The following OBSL1 variants were observed in gnomAD, a reference collection of about 807,000 sequenced individuals.
The protein encoded by OBSL1 is obscurin like cytoskeletal adaptor 1, also known as obscurin-like protein 1.
In OBSL1, 160 loss-of-function variants were observed where a neutral mutation model predicts 172.0. That is an observed-to-expected ratio of 0.93 (90% confidence interval 0.82 to 1.06). The LOEUF (loss-of-function observed/expected upper bound fraction) is 1.06, where lower values mean the gene tolerates loss of function less well. Among genes scored for constraint, OBSL1 ranks in the 50% least tolerant of loss-of-function variants. The pLI, the probability that OBSL1 is intolerant of heterozygous loss-of-function variation, is 0.00. For synonymous variants in OBSL1, 1,200 were observed against 1,196.3 expected, an observed-to-expected ratio of 1.00 and a Z score of -0.06; for missense variants, 2,681 against 2,715.4, an observed-to-expected ratio of 0.99 and a Z score of 0.28.
At position 219,557,865 on chromosome 2, in the gene OBSL1, C is replaced by T; in HGVS notation, c.3748G>A (p.Ala1250Thr). 6.2e-7 allele frequency: 1 copy of T among 1,601,134 alleles called. No individual in the cohort carries two copies. Among genetic ancestry groups the T allele is most frequent in the Non-Finnish European group, 8.5e-7 (1 of 1,179,516 alleles). The change falls in exon 11 of 21, where the codon GCC (alanine) becomes ACC (threonine). Residue 1250 changes from alanine to threonine, a missense_variant. Around this residue, in one of 5 missense-constraint regions of OBSL1, gnomAD observed 1,765 missense variants for 1,748.3 expected, o/e 1.01. Coordinates refer to ENST00000404537, the MANE Select transcript of OBSL1 (RefSeq NM_015311.3). ...AAGCTGAGGCTTGGGGCTCCGGGGGCTGCTCCAGACTGGCAGGTGTAGAGC... is the reference window on the plus strand; with the variant it reads ...AAGCTGAGGCTTGGGGCTCCGGGGGTTGCTCCAGACTGGCAGGTGTAGAGC... ...AGLYTCQSGAAPGAPSLSFTV... is the reference protein window; with the variant it reads ...AGLYTCQSGATPGAPSLSFTV...
Position 219,558,011 on chromosome 2 carries a change from C to G in OBSL1, c.3602G>C (p.Gly1201Ala), listed in dbSNP as rs1389771773. ...VVLSCELSRAGAPVVWSHNGR... is the reference protein window; with the variant it reads ...VVLSCELSRAAAPVVWSHNGR... ...ATTGTGGCTCCAGACCACGGGGGCGCCAGCCCGGGACAGTTCACAGCTCAG... is the reference window on the plus strand; with the variant it reads ...ATTGTGGCTCCAGACCACGGGGGCGGCAGCCCGGGACAGTTCACAGCTCAG... The change falls in exon 11 of 21, where the codon GGC becomes GCC. Residue 1201 changes from glycine to alanine, a missense_variant. This residue lies in a region of OBSL1 where 1,765 missense variants were observed against 1,748.3 expected (regional missense o/e 1.01). Transcript: ENST00000404537. 5.0e-6 allele frequency: 8 copies of G among 1,612,796 alleles called. No homozygotes were observed. Among genetic ancestry groups the G allele is most frequent in the Non-Finnish European group, 6.8e-6 (8 of 1,179,646 alleles).
chr2:219,549,711 C>T, downstream of OBSL1: 1 of 1,613,446 alleles, frequency 6.2e-7, no homozygotes, highest in Non-Finnish European at 8.5e-7. Flanking sequence ...GTTTGCTCCC[C>T]CACAGAGCTA....
chr2:219,554,396 G>C (rs1273522338), intron 15 of OBSL1, 78 bp downstream of exon 15: 2 of 1,526,920 alleles, frequency 1.3e-6, no homozygotes, highest in South Asian at 2.4e-5. Context: ...GGTCACACGA[G>C]TTGGGGGTCA....
intron 1 of OBSL1, 35 bp downstream of exon 1, chr2:219,570,186 C>T (rs1249594747): frequency 6.7e-7 from 1 of 1,488,690 alleles, no homozygotes; most frequent in African/African-American, 1.4e-5. Flanking sequence ...GGAGGACACT[C>T]GAGGCCCCTC....
rs918957233 is a variant in OBSL1 at position 219,570,229 on chromosome 2, T to G, written c.1004A>C (p.His335Pro). Residue 335 changes from histidine to proline, a missense_variant, in exon 1 of 21, where the codon CAC (histidine) becomes CCC (proline). His to Pro is a moderately conservative substitution (Grantham distance 77, BLOSUM62 -2). This residue lies in a region of OBSL1 where 706 missense variants were observed against 695.8 expected (regional missense o/e 1.01). Coordinates refer to ENST00000404537, the MANE Select transcript of OBSL1 (RefSeq NM_015311.3). ...CCCGGGCTCCGCCGTACCTTTCACG[T>G]GCAGCTGCACGGCACTGAGCGTCTG... ...AGQTLSAVQL[H>P]VKEPRLRFTR... The G allele has an allele frequency of 1.9e-6, 3 of 1,558,010 alleles. No homozygotes were observed. The highest frequency in any genetic ancestry group is 2.6e-6 in the Non-Finnish European group (3 of 1,150,350).
In OBSL1 at chr2:219,552,316, G is replaced by C. The variant is rs1695676697; in HGVS notation, c.5309-100C>G. Reference sequence around the variant, plus strand: ...AGGCCCCTGGGTCGGTTCGGACGCCGTTAGTGTATGCTAGGGTGGGCGGAA... The same window carrying C: ...AGGCCCCTGGGTCGGTTCGGACGCCCTTAGTGTATGCTAGGGTGGGCGGAA... On this transcript the variant is annotated intron_variant, in intron 18 of 20. Transcript: ENST00000404537. 3 of 1,135,506 alleles carry C rather than the reference G, an allele frequency of 2.6e-6. No homozygotes were observed. In the East Asian group the frequency reaches 7.7e-5, roughly 29 times the overall value. 70.3% of individuals were successfully genotyped at this position (1,135,506 alleles called of 1,614,324 possible).
chr2:219,562,808 C>T, intron 7 of OBSL1, 134 bp from the exon 8 acceptor site: 3 of 903,536 alleles, frequency 3.3e-6, no homozygotes, highest in South Asian at 1.7e-5. Context: ...AATCTCACAG[C>T]AGCTGACAGT....
At chr2:219,547,967 G>A, downstream of OBSL1, 1 of 1,589,154 alleles carries the variant, frequency 6.3e-7, no homozygotes, top group Non-Finnish European at 8.5e-7. Flanking sequence ...GGCTGCTCCT[G>A]TGCCCCCACT....
chr2:219,549,749 CG>C, downstream of OBSL1: 1 of 1,613,510 alleles, frequency 6.2e-7, no homozygotes, highest in Non-Finnish European at 8.5e-7. Context: ...ACCGGCAGAC[CG>C]GGAGCTCCCT....
At chr2:219,552,326 G>A in intron 18 of OBSL1, 110 bp from the exon 19 acceptor site, 1 of 1,046,732 alleles carries the variant, frequency 9.6e-7, no homozygotes, top group Non-Finnish European at 1.4e-6. Context: ...GTTAGTGTAT[G>A]CTAGGGTGGG....
chr2:219,563,620 G>A lies in OBSL1; in HGVS notation c.2415C>T (p.Pro805=), dbSNP rs369506790. 7.7e-5 allele frequency: 124 copies of A among 1,610,916 alleles called. No individual in the cohort carries two copies. In the African/African-American group the frequency reaches 7.9e-4, roughly 10 times the overall value. ...GTTCTCGGGGGTCCACGATGTGCACGGGAGGATCTGGGTGGGAAGCAGAGA... is the reference window on the plus strand; with the variant it reads ...GTTCTCGGGGGTCCACGATGTGCACAGGAGGATCTGGGTGGGAAGCAGAGA... The part of the protein sequence containing the change: ...AFFGVTVQDP[P]VHIVDPREHV... Residue 805 remains proline, a synonymous_variant, in exon 7 of 21, where the codon CCC becomes CCT. Coordinates refer to ENST00000404537, the MANE Select transcript of OBSL1 (RefSeq NM_015311.3).
In OBSL1 at chr2:219,568,317, G is replaced by A. The variant is rs1308402517; in HGVS notation, c.1020C>T (p.Arg340=). 6.2e-7 allele frequency: 1 copy of A among 1,602,718 alleles called. No homozygotes were observed. ...CCTGCAGGGGCCGTGTGAACCGGAG[G>A]CGGGGCTCTGTGGAGAGGGGAGAGA... The part of the protein sequence containing the change: ...SAVQLHVKEP[R]LRFTRPLQDV... The change falls in exon 2 of 21, where the codon CGC becomes CGT. Residue 340 remains arginine (R), a synonymous_variant. Coordinates refer to ENST00000404537, the MANE Select transcript of OBSL1 (RefSeq NM_015311.3). The surrounding 1 kb of genome is among the most constrained non-coding windows in gnomAD (Gnocchi z 4.1).
Position 219,570,458 on chromosome 2 carries a change from C to A in OBSL1, c.775G>T (p.Glu259Ter). Residue 259 changes from glutamate to a stop codon, truncating the protein, a stop_gained, in exon 1 of 21, where the codon GAG (glutamate) becomes TAG (stop). Coordinates refer to ENST00000404537, the MANE Select transcript of OBSL1 (RefSeq NM_015311.3). LOFTEE classifies it high-confidence loss of function. ...CAGCGGAACTTGGCGTGCTTGCCCT[C>A]GTTCACCCAGAAGGTCTTAGGCGCG... ...KCAPKTFWVN[E>*]GKHAKFRCYV... 6.2e-7 allele frequency: 1 copy of A among 1,613,112 alleles called. No homozygotes were observed. The highest frequency in any genetic ancestry group is 8.5e-7 in the Non-Finnish European group (1 of 1,179,564).
At chr2:219,570,090 G>A in intron 1 of OBSL1, 131 bp downstream of exon 1, 1 of 818,238 alleles carries the variant, frequency 1.2e-6, no homozygotes, top group Non-Finnish European at 1.8e-6. Flanking sequence ...GGCGGGTTTG[G>A]TATTTTAATA....
rs778186984 is a variant in OBSL1, at chr2:219,557,579, G to A, written c.3830C>T (p.Thr1277Met). 4.7e-5 allele frequency: 72 copies of A among 1,548,202 alleles called. No individual in the cohort carries two copies. Among genetic ancestry groups the A allele is most frequent in the Admixed American group, 5.9e-5 (3 of 50,860 alleles). ...VRVVAPEAAQ[T>M]RVRSTPGGDL... is the part of the protein sequence containing the mutation. The stretch of plus-strand genomic sequence containing the variant: ...CCCGCCTGGGGTGCTCCGAACCCTC[G>A]TCTGGGCTGCCTCGGGAGCTACCAC... The change falls in exon 12 of 21, where the codon ACG (threonine) becomes ATG (methionine). Residue 1277 changes from threonine to methionine, a missense_variant. By Grantham distance (81) the Thr-to-Met change is moderately conservative (BLOSUM62 -1). This residue lies in a region of OBSL1 where 1,765 missense variants were observed against 1,748.3 expected (regional missense o/e 1.01). Coordinates refer to ENST00000404537, the MANE Select transcript of OBSL1 (RefSeq NM_015311.3).
rs1319675041 is a variant in OBSL1 at position 219,552,899 on chromosome 2, G to T, written c.5115C>A (p.Ala1705=). Residue 1705 remains alanine (A), a synonymous_variant, in exon 17 of 21, where the codon GCC becomes GCA. Transcript: ENST00000404537. Reference sequence around the variant, plus strand: ...CGGTCAGGCGGACCGGTCCGGCGCGGGCCGTCCCCACCGCGCAGCTGTAGG... The same window carrying T: ...CGGTCAGGCGGACCGGTCCGGCGCGTGCCGTCCCCACCGCGCAGCTGTAGG... ...AGTYSCAVGT[A]RAGPVRLTVR... The T allele has an allele frequency of 3.9e-6, 6 of 1,540,652 alleles. No homozygotes were observed. In the East Asian group the frequency reaches 1.5e-4, roughly 38 times the overall value.
Position 219,568,041 on chromosome 2 carries a change from A to G in OBSL1, c.1282+14T>C, listed in dbSNP as rs1198825856. On this transcript the variant is annotated intron_variant, in intron 2 of 20. Coordinates refer to ENST00000404537, the MANE Select transcript of OBSL1 (RefSeq NM_015311.3). The surrounding 1 kb of genome is among the most constrained non-coding windows in gnomAD (Gnocchi z 4.1). ...CTGCCTCCGCCTCAGCCTCTTCCCC[A>G]CGGGCCAGCTGACCTTTGACTGTGA... 5 of 1,608,308 alleles carry G rather than the reference A, an allele frequency of 3.1e-6. No individual in the cohort carries two copies. The African/African-American group carries it at 5.3e-5, about 17-fold the overall frequency.
At position 219,570,628 on chromosome 2, in the gene OBSL1, G is replaced by A. The variant is rs768848439; in HGVS notation, c.605C>T (p.Pro202Leu). The A allele has an allele frequency of 1.3e-6, 2 of 1,512,148 alleles. No individual in the cohort carries two copies. The highest frequency in any genetic ancestry group is 1.8e-6 in the Non-Finnish European group (2 of 1,135,278). 93.7% of individuals were successfully genotyped at this position (1,512,148 alleles called of 1,614,324 possible). A position where few individuals can be genotyped will look rare whatever the true frequency, so the allele number is the denominator to read the frequency against. ...GTGGCACACGTAGACGCCGGAATCCGGCAGCCGAGCCGCCAGGATGCGCAG... is the reference window on the plus strand; with the variant it reads ...GTGGCACACGTAGACGCCGGAATCCAGCAGCCGAGCCGCCAGGATGCGCAG... ...LALRILAARL[P>L]DSGVYVCHAR... Residue 202 changes from proline (P) to leucine (L), a missense_variant, in exon 1 of 21, where the codon CCG (proline) becomes CTG (leucine). By Grantham distance (98) the Pro-to-Leu change is moderately conservative. Transcript: ENST00000404537.
chr2:219,565,547 C>T lies in OBSL1; in HGVS notation c.2135-33G>A, dbSNP rs762544883. The T allele has an allele frequency of 1.9e-6, 3 of 1,590,100 alleles. No individual in the cohort carries two copies. In the South Asian group the frequency reaches 3.3e-5, roughly 18 times the overall value. The stretch of plus-strand genomic sequence containing the variant: ...GGGAGAAGTACAGATAAGCACCCCT[C>T]CCTCCGGTGCATGGGCTCAGTGTCG... On this transcript the variant is annotated intron_variant, in intron 5 of 20. Coordinates refer to ENST00000404537, the MANE Select transcript of OBSL1 (RefSeq NM_015311.3).
Sources: gnomAD v4.1 joint callset for allele counts on GRCh38, gnomAD v4.1.1 for gene constraint, gnomAD v4.1.1 regional missense constraint, Gnocchi (gnomAD v3.1) non-coding constraint, MANE v1.5 for transcripts, NCBI Gene and HGNC (gene_info 2026-07-23, HGNC 2026-07-21) for gene names.